Variants in PIGX observed in about 807,000 individuals in gnomAD.
The protein encoded by PIGX is GPI alpha-1,4-mannosyltransferase I, stabilizing subunit.
PIGX carries 24 observed loss-of-function variants against 28.7 expected under a neutral mutation model. The observed-to-expected ratio is 0.84, with a 90% CI of 0.60 to 1.17. The LOEUF is 1.17. Among genes scored for constraint, PIGX ranks in the 50% most tolerant of loss-of-function variants. The pLI is 0.00. For synonymous variants in PIGX, 127 were observed against 121.0 expected, an observed-to-expected ratio of 1.05 and a Z score of -0.33; for missense variants, 305 against 317.8, an observed-to-expected ratio of 0.96 and a Z score of 0.31.
intron 3 of PIGX, among the ~76,000 whole-genome samples, chr3:196,724,724 C>T (rs1003001042): frequency 4.6e-5 from 7 of 152,198 alleles, no homozygotes; most frequent in East Asian, 3.9e-4. Flanking sequence ...ACATTTGTGA[C>T]GTTTAAATAT....
rs1712897516 is a variant in PIGX, at chr3:196,733,594, T to C, written c.634-165T>C. Reference sequence around the variant, plus strand: ...ACCTGGCTAATTTTTGTATTTTTAGTAGAGATGGTTTAGTAGAGATGTTGG... The same window carrying C: ...ACCTGGCTAATTTTTGTATTTTTAGCAGAGATGGTTTAGTAGAGATGTTGG... On this transcript the variant is annotated intron_variant, in intron 5 of 5. Coordinates refer to ENST00000392391, the MANE Select transcript of PIGX (RefSeq NM_017861.4). This position sits in a 1 kb window ranked among gnomAD's most constrained non-coding sequence, Gnocchi z 4.3. Among the ~76,000 whole-genome samples, 1 of 152,064 alleles carries C rather than the reference T, an allele frequency of 6.6e-6. No homozygotes were observed. The highest frequency in any genetic ancestry group is 2.1e-4 in the South Asian group (1 of 4,820).
intron 2 of PIGX, among the ~76,000 whole-genome samples, chr3:196,720,945 A>T (rs1712299143): frequency 4.6e-5 from 7 of 152,026 alleles, no homozygotes; most frequent in Admixed American, 4.6e-4. Flanking sequence ...TTGCTCCATT[A>T]TCTTCTAGCT....
chr3:196,733,836 C>T lies in PIGX; in HGVS notation c.711C>T (p.Leu237=). 2 of 1,596,062 alleles carry T rather than the reference C, an allele frequency of 1.3e-6. No homozygotes were observed. The highest frequency in any genetic ancestry group is 2.2e-5 in the East Asian group (1 of 44,804). Residue 237 remains leucine, a synonymous_variant, in exon 6 of 6, where the codon CTC becomes CTT. Coordinates refer to ENST00000392391, the MANE Select transcript of PIGX (RefSeq NM_017861.4). The surrounding 1 kb of genome is among the most constrained non-coding windows in gnomAD (Gnocchi z 4.3). Reference sequence around the variant, plus strand: ...CTCTAGTATGTTCTGTGACTCTGCTCATTACAATCCTGTGCTCTACATTGA... The same window carrying T: ...CTCTAGTATGTTCTGTGACTCTGCTTATTACAATCCTGTGCTCTACATTGA...
chr3:196,731,304 A>G (rs1286934299), intron 5 of PIGX, among the ~76,000 whole-genome samples: 2 of 151,870 alleles, frequency 1.3e-5, no homozygotes, highest in Admixed American at 6.6e-5. Context: ...CAGCCTCCCA[A>G]GTAGCTGGGA....
chr3:196,716,922 G>A lies in PIGX; in HGVS notation c.176+1G>A. 2 of 1,568,498 alleles carry A rather than the reference G, an allele frequency of 1.3e-6. No homozygotes were observed. The highest frequency in any genetic ancestry group is 1.8e-6 in the Non-Finnish European group (2 of 1,139,336). On this transcript the variant is annotated splice_donor_variant, in intron 2 of 5. Transcript: ENST00000392391. LOFTEE classifies it high-confidence loss of function. ...AAGTTTTGAAAGATGGTTTCCACAG[G>A]TAAGTTGCCTGTTGATTTCTATTTC...
In PIGX at chr3:196,719,646, A is replaced by G. The variant is rs1712233809; in HGVS notation, c.176+2725A>G. Among the ~76,000 whole-genome samples the G allele has an allele frequency of 7.2e-5, 11 of 152,034 alleles. 1 individual carries two copies. The South Asian group carries it at 2.3e-3, about 32-fold the overall frequency. ...ATAGCTTCATCTCCTTCTCTTTTCT[A>G]TGCTGTTGTTATCACATATTTTACT... On this transcript the variant is annotated intron_variant, in intron 2 of 5. Transcript: ENST00000392391.
intron 3 of PIGX, among the ~76,000 whole-genome samples, chr3:196,724,986 T>G (rs1233101908): frequency 6.6e-6 from 1 of 152,126 alleles, no homozygotes; most frequent in East Asian, 1.9e-4. Flanking sequence ...GCCAGCAAAA[T>G]GCTTTGTAAG....
chr3:196,732,219 TATATATATATA>T (rs1560080459), intron 5 of PIGX, among the ~76,000 whole-genome samples: 8 of 15,748 alleles, frequency 5.1e-4, no homozygotes, highest in Admixed American at 2.7e-3. Flanking sequence ...ATATTATTTA[TATATATATATA>T]TATATATATA....
In PIGX at chr3:196,720,833, T is replaced by A. The variant is rs777711662; in HGVS notation, c.177-1582T>A. ...TGCAGTGACAAATTCTCTTAGTTTG[T>A]GTTTGTCTGAATCTTTATTTTGCCT... On this transcript the variant is annotated intron_variant, in intron 2 of 5. Transcript: ENST00000392391. Among the ~76,000 whole-genome samples the A allele has an allele frequency of 1.6e-3, 243 of 152,268 alleles. 2 individuals carry two copies. The highest frequency in any genetic ancestry group is 1.6e-3 in the Non-Finnish European group (107 of 68,030).
At chr3:196,715,865 G>C (rs1712075827) in intron 1 of PIGX, among the ~76,000 whole-genome samples, 1 of 152,106 alleles carries the variant, frequency 6.6e-6, no homozygotes, top group African/African-American at 2.4e-5. Context: ...TTGCTATGTT[G>C]TCCAGGCTTG....
intron 4 of PIGX, among the ~76,000 whole-genome samples, chr3:196,729,525 G>A (rs1324563510): frequency 1.3e-5 from 2 of 150,896 alleles, no homozygotes; most frequent in Non-Finnish European, 3.0e-5. Context: ...GAGTAGCTGG[G>A]ACTACAGGCT....
chr3:196,727,465 T>C (rs1297571252), intron 3 of PIGX, among the ~76,000 whole-genome samples: 1 of 152,222 alleles, frequency 6.6e-6, no homozygotes, highest in Non-Finnish European at 1.5e-5. Context: ...ACCGCAGTGC[T>C]CTTACTCACT....
rs3177527 is a variant in PIGX, at chr3:196,734,363, A to C, written c.*461A>C. 3.9e-5 allele frequency: 6 copies of C among 153,206 alleles called. No homozygotes were observed. Among genetic ancestry groups the C allele is most frequent in the African/African-American group, 1.4e-4 (6 of 41,426 alleles). 9.5% of individuals were successfully genotyped at this position (153,206 alleles called of 1,614,324 possible). The stretch of plus-strand genomic sequence containing the variant: ...GAGGTGGGCGGATCACCAGAGGTCA[A>C]GAGTTTGAGACCAGCTTGGTGAAAC... On this transcript the variant is annotated 3_prime_UTR_variant, in exon 6 of 6. Coordinates refer to ENST00000392391, the MANE Select transcript of PIGX (RefSeq NM_017861.4).
chr3:196,726,957 C>G (rs555122238), intron 3 of PIGX, among the ~76,000 whole-genome samples: 2 of 152,158 alleles, frequency 1.3e-5, no homozygotes, highest in African/African-American at 4.8e-5. Flanking sequence ...CCTCATGACT[C>G]ATGAGATGAT....
intron 1 of PIGX, among the ~76,000 whole-genome samples, chr3:196,713,955 A>G (rs1160310545): frequency 6.6e-6 from 1 of 152,174 alleles, no homozygotes; most frequent in Non-Finnish European, 1.5e-5. Context: ...TTCGTTTTAA[A>G]AATGGTACTT....
At chr3:196,731,436 C>G (rs1453634853) in intron 5 of PIGX, among the ~76,000 whole-genome samples, 2 of 152,194 alleles carry the variant, frequency 1.3e-5, no homozygotes, top group Non-Finnish European at 2.9e-5. Flanking sequence ...TCTTGGCCTC[C>G]CAGAGTGCTG....
Position 196,720,147 on chromosome 3 carries a change from C to G in PIGX, c.177-2268C>G, listed in dbSNP as rs984255993. Among the ~76,000 whole-genome samples, 7 of 152,238 alleles carry G rather than the reference C, an allele frequency of 4.6e-5. 1 individual carries two copies. The highest frequency in any genetic ancestry group is 1.5e-5 in the Non-Finnish European group (1 of 68,044). On this transcript the variant is annotated intron_variant, in intron 2 of 5. Coordinates refer to ENST00000392391, the MANE Select transcript of PIGX (RefSeq NM_017861.4). Reference sequence around the variant, plus strand: ...CATTCACGTTATTGTGCTACCATCACCACCATCCATTTATGGAACTCTTCG... The same window carrying G: ...CATTCACGTTATTGTGCTACCATCAGCACCATCCATTTATGGAACTCTTCG...
chr3:196,713,856 A>T (rs1711961004), intron 1 of PIGX, among the ~76,000 whole-genome samples: 1 of 151,210 alleles, frequency 6.6e-6, no homozygotes, highest in South Asian at 2.1e-4. Context: ...AAAAAAAAGG[A>T]AAAAGAAGTC....
At chr3:196,715,476 A>G (rs942627147) in intron 1 of PIGX, among the ~76,000 whole-genome samples, 73 of 152,360 alleles carry the variant, frequency 4.8e-4, no homozygotes, top group Non-Finnish European at 6.5e-4. Context: ...GTTAAAACAC[A>G]TATGAAAGCA....
Sources: gnomAD v4.1 joint callset for allele counts (sites outside exome capture counted in the v4.1 genomes callset) on GRCh38, gnomAD v4.1.1 for gene constraint, Gnocchi (gnomAD v3.1) non-coding constraint, MANE v1.5 for transcripts, NCBI Gene and HGNC (gene_info 2026-07-23, HGNC 2026-07-21) for gene names.